The following UBR3 variants were observed in gnomAD, a reference collection of about 807,000 sequenced individuals.
UBR3 encodes E3 ubiquitin-protein ligase UBR3.
In UBR3, 85 loss-of-function variants were observed where a neutral mutation model predicts 243.2. The observed-to-expected ratio is 0.35, with a 90% CI of 0.29 to 0.42. The LOEUF (loss-of-function observed/expected upper bound fraction) is 0.42. UBR3 is among the 10% of genes least tolerant of loss of function. The pLI, the probability that UBR3 is intolerant of heterozygous loss-of-function variation, is 1.00. For synonymous variants in UBR3, 748 were observed against 799.8 expected, an observed-to-expected ratio of 0.94 and a Z score of 1.09; for missense variants, 1,686 against 2,300.8, an observed-to-expected ratio of 0.73 and a Z score of 5.47.
intron 24 of UBR3, among the ~76,000 whole-genome samples, chr2:169,965,690 G>A (rs1452722036): frequency 1.3e-5 from 2 of 152,062 alleles, no homozygotes; most frequent in Non-Finnish European, 2.9e-5. Context: ...TTCACATCCT[G>A]GACAGGACCA....
intron 1 of UBR3, among the ~76,000 whole-genome samples, chr2:169,852,873 A>AAAAAAAAAAAAC (rs2082709056): frequency 7.0e-6 from 1 of 143,210 alleles, no homozygotes; most frequent in Admixed American, 7.2e-5. Context: ...AAAAAAAAAA[A>AAAAAAAAAAAAC]AAAAACAAAA....
chr2:170,020,186 C>G (rs531009717), intron 30 of UBR3, among the ~76,000 whole-genome samples: 112 of 152,258 alleles, frequency 7.4e-4, no homozygotes, highest in Non-Finnish European at 1.3e-3. Flanking sequence ...ATACCAATTT[C>G]TGCAAGCAGA....
chr2:170,077,076 A>T (rs2091825575), intron 36 of UBR3: 1 of 380,570 alleles, frequency 2.6e-6, no homozygotes, highest in South Asian at 2.1e-5. Flanking sequence ...TTTAAGACCG[A>T]ATTTTTTTTT....
intron 10 of UBR3, among the ~76,000 whole-genome samples, chr2:169,908,269 T>C (rs1299548658): frequency 2.0e-5 from 3 of 152,230 alleles, no homozygotes; most frequent in Non-Finnish European, 4.4e-5. Context: ...TCATTTGATA[T>C]GCAGTGGGAC....
rs1292303073 is a variant in UBR3, at chr2:169,827,915, C to T, written c.408C>T (p.Cys136=). ...TCGTGGCCTACCGCTGCCGGACGTG[C>T]GGCATCTCGCCCTGCATGTCGCTGT... ...ANFVAYRCRT[C]GISPCMSLCA... Residue 136 remains cysteine (C), a synonymous_variant, in exon 1 of 39, where the codon TGC becomes TGT. Coordinates refer to ENST00000272793, the MANE Select transcript of UBR3 (RefSeq NM_172070.4). 3 of 1,512,872 alleles carry T rather than the reference C, an allele frequency of 2.0e-6. No homozygotes were observed. The highest frequency in any genetic ancestry group is 2.1e-5 in the Admixed American group (1 of 48,222). The allele number at this position is 1,512,872 out of a possible 1,614,324, so 93.7% of individuals were successfully genotyped here.
At chr2:169,864,099 G>A (rs781141024) in intron 1 of UBR3, among the ~76,000 whole-genome samples, 7 of 151,902 alleles carry the variant, frequency 4.6e-5, no homozygotes, top group Admixed American at 1.3e-4. Context: ...AGAATGGAGT[G>A]CAGTGGGATG....
At position 169,933,420 on chromosome 2, in the gene UBR3, G is replaced by A. The variant is rs544691671; in HGVS notation, c.2663+412G>A. On this transcript the variant is annotated intron_variant, in intron 19 of 38. Coordinates refer to ENST00000272793, the MANE Select transcript of UBR3 (RefSeq NM_172070.4). ...TGTGTTCATGACAACTGGGAAAATA[G>A]CCAAAGCAAAATTAATTTTACTTGT... 2.6e-5 allele frequency among the ~76,000 whole-genome samples: 4 copies of A among 152,230 alleles called. No homozygotes were observed. The East Asian group carries it at 7.7e-4, about 29-fold the overall frequency.
chr2:169,930,972 C>T (rs905883510), intron 18 of UBR3, among the ~76,000 whole-genome samples: 5 of 152,164 alleles, frequency 3.3e-5, no homozygotes, highest in Admixed American at 3.3e-4. Flanking sequence ...TAATTAATCA[C>T]TGAAGTTTTC....
intron 1 of UBR3, among the ~76,000 whole-genome samples, chr2:169,842,990 C>G (rs1008098084): frequency 3.3e-5 from 5 of 152,202 alleles, no homozygotes; most frequent in Non-Finnish European, 7.3e-5. Context: ...CATATTTCTA[C>G]CAACATTCCA....
chr2:169,890,530 G>GATATATATATATATATATAT (rs2084289341), intron 5 of UBR3, among the ~76,000 whole-genome samples: 2 of 10,208 alleles, frequency 2.0e-4, no homozygotes, highest in African/African-American at 4.4e-4. Flanking sequence ...TTCTAGGAGA[G>GATATATATATATATATATAT]AGAGAGAGAG....
intron 27 of UBR3, among the ~76,000 whole-genome samples, chr2:170,003,533 A>G (rs1008737702): frequency 6.6e-6 from 1 of 152,240 alleles, no homozygotes; most frequent in African/African-American, 2.4e-5. Context: ...TGTGGATACA[A>G]TGGTACATAA....
At chr2:169,983,992 G>A (rs1048491027) in intron 24 of UBR3, among the ~76,000 whole-genome samples, 1 of 152,096 alleles carries the variant, frequency 6.6e-6, no homozygotes, top group Non-Finnish European at 1.5e-5. Context: ...TTCATTATTA[G>A]TCTCTAGTAA....
At chr2:169,958,067 G>C (rs1161826687) in intron 23 of UBR3, among the ~76,000 whole-genome samples, 2 of 146,042 alleles carry the variant, frequency 1.4e-5, no homozygotes, top group South Asian at 4.4e-4. Context: ...ACTGTTATTT[G>C]TGCCTGGGAT....
intron 1 of UBR3, among the ~76,000 whole-genome samples, chr2:169,833,411 A>C (rs1008398135): frequency 8.5e-5 from 13 of 152,226 alleles, no homozygotes; most frequent in Non-Finnish European, 1.5e-4. Flanking sequence ...TTAAAAGATA[A>C]GGACCACATT....
chr2:170,034,348 G>A (rs749637936), intron 31 of UBR3, among the ~76,000 whole-genome samples: 2 of 151,842 alleles, frequency 1.3e-5, no homozygotes, highest in South Asian at 2.1e-4. Context: ...TCCCTCCTCA[G>A]TACAACCCCT....
At chr2:169,838,550 T>C (rs1408452909) in intron 1 of UBR3, among the ~76,000 whole-genome samples, 1 of 152,028 alleles carries the variant, frequency 6.6e-6, no homozygotes, top group South Asian at 2.1e-4. Flanking sequence ...AGAGCCCTCA[T>C]GACTTAATCA....
chr2:169,838,026 T>TTATTA (rs2105281583), intron 1 of UBR3, among the ~76,000 whole-genome samples: 1 of 152,348 alleles, frequency 6.6e-6, no homozygotes, highest in East Asian at 1.9e-4. Flanking sequence ...GATTTCCTTA[T>TTATTA]TATTAGTCTT....
At chr2:170,069,686 T>C (rs1180033260) in intron 35 of UBR3, among the ~76,000 whole-genome samples, 3 of 151,574 alleles carry the variant, frequency 2.0e-5, no homozygotes, top group Non-Finnish European at 2.9e-5. Context: ...TGTGACTGGC[T>C]TATTTCATTT....
intron 32 of UBR3, among the ~76,000 whole-genome samples, chr2:170,050,411 A>T (rs1559218217): frequency 1.3e-5 from 2 of 152,094 alleles, no homozygotes; most frequent in South Asian, 2.1e-4. Flanking sequence ...AACAGAATAA[A>T]ATGTCTGATA....
Sources: allele counts gnomAD v4.1 joint callset (sites outside exome capture counted in the v4.1 genomes callset), GRCh38; gene constraint gnomAD v4.1.1; transcripts MANE v1.5; gene names NCBI Gene and HGNC (gene_info 2026-07-23, HGNC 2026-07-21).